The following CHSY3 variants were observed in gnomAD, a reference collection of about 807,000 sequenced individuals.
CHSY3 encodes N-acetylgalactosaminyl-proteoglycan 3-beta-glucuronosyltransferase 3.
A neutral mutation model predicts 67.2 loss-of-function variants in CHSY3; 35 were observed. That is an observed-to-expected ratio of 0.52 (90% CI 0.40 to 0.69). The LOEUF (loss-of-function observed/expected upper bound fraction) is 0.69, where lower values mean the gene tolerates loss of function less well. Among genes scored for constraint, CHSY3 ranks in the 30% least tolerant of loss-of-function variants. The probability of loss-of-function intolerance (pLI) is 0.00; values close to 1 mark genes in which losing one functional copy is unlikely to be tolerated. For synonymous variants in CHSY3, 474 were observed against 434.7 expected, an observed-to-expected ratio of 1.09 and a Z score of -1.12; for missense variants, 1,069 against 1,138.5, an observed-to-expected ratio of 0.94 and a Z score of 0.88.
At chr5:130,118,031 C>T (rs1005320417) in intron 2 of CHSY3, among the ~76,000 whole-genome samples, 1 of 152,042 alleles carries the variant, frequency 6.6e-6, no homozygotes, top group South Asian at 2.1e-4. Flanking sequence ...AAAGAACATG[C>T]CACTCCCCCT....
intron 2 of CHSY3, among the ~76,000 whole-genome samples, chr5:130,125,587 G>T (rs1455843249): frequency 2.6e-5 from 4 of 152,150 alleles, no homozygotes; most frequent in Admixed American, 2.0e-4. Flanking sequence ...TCAGCATAGA[G>T]ATAATGATGA....
At chr5:130,181,636 A>G (rs1275550362) in intron 2 of CHSY3, among the ~76,000 whole-genome samples, 5 of 152,194 alleles carry the variant, frequency 3.3e-5, no homozygotes, top group African/African-American at 1.2e-4. Flanking sequence ...TTCACATATT[A>G]AATGCACACA....
rs564611990 is a variant in CHSY3, at chr5:130,152,800, G to C, written c.1087-31429G>C. 1.8e-4 allele frequency among the ~76,000 whole-genome samples: 27 copies of C among 152,188 alleles called. No individual in the cohort carries two copies. In the East Asian group the frequency reaches 4.8e-3, roughly 27 times the overall value. Reference sequence around the variant, plus strand: ...GTAAAATGGCCTTCTTTCAGTTTTTGGTAATTTTTGAAAACTGAAGAAATT... The same window carrying C: ...GTAAAATGGCCTTCTTTCAGTTTTTCGTAATTTTTGAAAACTGAAGAAATT... On this transcript the variant is annotated intron_variant, in intron 2 of 2. Transcript: ENST00000305031.
At chr5:130,114,405 C>T (rs1403519378) in intron 2 of CHSY3, 1 of 152,054 alleles carries the variant, frequency 6.6e-6, no homozygotes, top group Admixed American at 6.6e-5. Flanking sequence ...TGGAAAAAGT[C>T]TACGGCCATA....
intron 2 of CHSY3, among the ~76,000 whole-genome samples, chr5:130,047,129 T>A (rs1294715183): frequency 6.6e-6 from 1 of 151,830 alleles, no homozygotes; most frequent in Non-Finnish European, 1.5e-5. Flanking sequence ...ATAAATAAAA[T>A]TTAAAAGTAT....
At chr5:129,928,701 C>G (rs552354332) in intron 2 of CHSY3, among the ~76,000 whole-genome samples, 1 of 151,846 alleles carries the variant, frequency 6.6e-6, no homozygotes, top group Non-Finnish European at 1.5e-5. Context: ...TGCTGATGAA[C>G]AATAATCTAA....
At chr5:130,140,279 T>C (rs1236438155) in intron 2 of CHSY3, 2 of 392,960 alleles carry the variant, frequency 5.1e-6, no homozygotes, top group African/African-American at 4.3e-5. Context: ...GATACTGTTG[T>C]CCAGTCTAAT....
At chr5:129,916,339 C>A (rs1760728087) in intron 2 of CHSY3, among the ~76,000 whole-genome samples, 1 of 152,092 alleles carries the variant, frequency 6.6e-6, no homozygotes, top group African/African-American at 2.4e-5. Context: ...AGGAAACCAA[C>A]TAGGTAAGGA....
intron 2 of CHSY3, among the ~76,000 whole-genome samples, chr5:130,160,647 A>G (rs1169903948): frequency 6.6e-6 from 1 of 152,130 alleles, no homozygotes; most frequent in African/African-American, 2.4e-5. Flanking sequence ...CTCCCCAATT[A>G]AATGCAATGT....
intron 2 of CHSY3, among the ~76,000 whole-genome samples, chr5:130,081,801 TTCA>T (rs1766454855): frequency 6.6e-6 from 1 of 152,094 alleles, no homozygotes; most frequent in Non-Finnish European, 1.5e-5. Flanking sequence ...GAACTGTGAG[TTCA>T]TCAAGCCTCT....
chr5:129,990,991 T>G (rs1763346898), intron 2 of CHSY3, among the ~76,000 whole-genome samples: 1 of 151,996 alleles, frequency 6.6e-6, no homozygotes, highest in Non-Finnish European at 1.5e-5. Flanking sequence ...TTAGCAAGTT[T>G]AAGGATGCCA....
intron 2 of CHSY3, among the ~76,000 whole-genome samples, chr5:130,060,376 A>G (rs942086605): frequency 6.6e-6 from 1 of 152,172 alleles, no homozygotes; most frequent in Admixed American, 6.6e-5. Context: ...TCTTCATGAT[A>G]AAAACCCTCA....
chr5:129,933,134 A>G (rs188787532), intron 2 of CHSY3, among the ~76,000 whole-genome samples: 1 of 152,170 alleles, frequency 6.6e-6, no homozygotes, highest in Admixed American at 6.6e-5. Context: ...AACCTCCTCC[A>G]TGATTGGAGG....
chr5:130,125,304 C>A (rs1370972006), intron 2 of CHSY3, among the ~76,000 whole-genome samples: 3 of 151,946 alleles, frequency 2.0e-5, no homozygotes, highest in Non-Finnish European at 2.9e-5. Context: ...GTAGTCCCAG[C>A]CACTCAGGAG....
At chr5:130,085,069 A>T (rs1766568974) in intron 2 of CHSY3, among the ~76,000 whole-genome samples, 1 of 151,898 alleles carries the variant, frequency 6.6e-6, no homozygotes, top group South Asian at 2.1e-4. Flanking sequence ...TCCTACCTCC[A>T]CTTCTCATCA....
chr5:129,958,557 G>A (rs1280327966), intron 2 of CHSY3, among the ~76,000 whole-genome samples: 1 of 152,092 alleles, frequency 6.6e-6, no homozygotes, highest in Non-Finnish European at 1.5e-5. Context: ...GCAAGATGGG[G>A]TTTTGCTCTG....
intron 2 of CHSY3, among the ~76,000 whole-genome samples, chr5:130,081,415 C>T (rs1766443241): frequency 6.6e-6 from 1 of 151,806 alleles, no homozygotes; most frequent in Non-Finnish European, 1.5e-5. Flanking sequence ...TGTGAAAGTG[C>T]CATATTTGGG....
chr5:129,923,493 A>T (rs1038022507), intron 2 of CHSY3, among the ~76,000 whole-genome samples: 131 of 152,276 alleles, frequency 8.6e-4, no homozygotes, highest in African/African-American at 3.1e-3. Flanking sequence ...AAAATAGACA[A>T]ACTTCCCTAA....
chr5:130,041,642 A>G (rs1765009506), intron 2 of CHSY3, among the ~76,000 whole-genome samples: 1 of 152,126 alleles, frequency 6.6e-6, no homozygotes, highest in Non-Finnish European at 1.5e-5. Flanking sequence ...GAGAGAAATA[A>G]GCAAAGAGAG....
Sources: gnomAD v4.1 joint callset for allele counts (sites outside exome capture counted in the v4.1 genomes callset) on GRCh38, gnomAD v4.1.1 for gene constraint, MANE v1.5 for transcripts, NCBI Gene and HGNC (gene_info 2026-07-23, HGNC 2026-07-21) for gene names.